Variants in SGCD observed in about 807,000 individuals in gnomAD.
SGCD encodes delta-sarcoglycan.
A neutral mutation model predicts 36.6 loss-of-function variants in SGCD; 18 were observed. The ratio of observed to expected loss-of-function variants is 0.49; its 90% CI spans 0.34 to 0.73. The LOEUF is 0.73. SGCD is among the 30% of genes least tolerant of loss of function. SGCD has a pLI of 0.01. For missense variants in SGCD, 387 were observed against 346.7 expected (o/e 1.12, Z -0.92); for synonymous variants, 133 against 130.6 (o/e 1.02, Z -0.12).
chr5:156,039,434 C>T (rs372217104), intron 1 of SGCD, among the ~76,000 whole-genome samples: 97 of 146,660 alleles, frequency 6.6e-4, no homozygotes, highest in African/African-American at 2.6e-3. Context: ...AAGGAGCAAG[C>T]TCCTTGGGAG....
At chr5:155,802,190 CTGTT>C in the SGCD span, among the ~76,000 whole-genome samples, 1 of 152,188 alleles carries the variant, frequency 6.6e-6, no homozygotes, top group East Asian at 1.9e-4. Flanking sequence ...GCTAAGAAGA[CTGTT>C]TGAAGCAGCC....
Position 156,303,427 on chromosome 5 carries a change from G to A in SGCD, c.-43-26107G>A, listed in dbSNP as rs539217609. Among the ~76,000 whole-genome samples, 34 of 152,182 alleles carry A rather than the reference G, an allele frequency of 2.2e-4. No individual in the cohort carries two copies. In the South Asian group the frequency reaches 7.0e-3, roughly 32 times the overall value. ...CCAGAAATGCCATTCAGGAGCCACA[G>A]CTTAGAATCTGGAACCCCAGGAGCC... On this transcript the variant is annotated intron_variant, in intron 3 of 9. Transcript: ENST00000517913.
chr5:155,947,362 A>G (rs1334023245), intron 1 of SGCD, among the ~76,000 whole-genome samples: 1 of 145,198 alleles, frequency 6.9e-6, no homozygotes, highest in African/African-American at 2.5e-5. Context: ...TTTTTTTATT[A>G]TTAAGATCTT....
the SGCD span, among the ~76,000 whole-genome samples, chr5:155,848,411 C>T: frequency 6.6e-6 from 1 of 152,098 alleles, no homozygotes; most frequent in African/African-American, 2.4e-5. Flanking sequence ...GGTGCCAGGG[C>T]AGAAAGCGTG....
intron 3 of SGCD, among the ~76,000 whole-genome samples, chr5:156,397,899 T>C (rs1771947745): frequency 6.6e-6 from 1 of 152,134 alleles, no homozygotes; most frequent in Non-Finnish European, 1.5e-5. Context: ...CCATCTCTCT[T>C]GCCTATTGAA....
At chr5:155,852,786 C>G in the SGCD span, among the ~76,000 whole-genome samples, 1 of 152,090 alleles carries the variant, frequency 6.6e-6, no homozygotes, top group South Asian at 2.1e-4. Flanking sequence ...GTTTGTAGGC[C>G]TTGATGTATT....
intron 1 of SGCD, among the ~76,000 whole-genome samples, chr5:155,906,937 A>G (rs1260218498): frequency 6.8e-6 from 1 of 147,760 alleles, no homozygotes; most frequent in Non-Finnish European, 1.5e-5. Flanking sequence ...AGAAGATGTA[A>G]TATAGTACTT....
rs537643579 is a variant in SGCD at position 156,360,076 on chromosome 5, C to T, written c.192+15399C>T. Reference sequence around the variant, plus strand: ...AGCCAAATGTCCAGGCAGACAGGGGCGGGTCCCCACTGAAACCCCACCTCC... The same window carrying T: ...AGCCAAATGTCCAGGCAGACAGGGGTGGGTCCCCACTGAAACCCCACCTCC... On this transcript the variant is annotated intron_variant, in intron 3 of 8. Transcript: ENST00000337851. Among the ~76,000 whole-genome samples, 19 of 152,212 alleles carry T rather than the reference C, an allele frequency of 1.2e-4. No homozygotes were observed. In the South Asian group the frequency reaches 1.4e-3, roughly 12 times the overall value.
chr5:156,437,734 A>G (rs1335278988), intron 3 of SGCD, among the ~76,000 whole-genome samples: 1 of 152,180 alleles, frequency 6.6e-6, no homozygotes, highest in African/African-American at 2.4e-5. Flanking sequence ...CTCAGCCAAC[A>G]GGGGAGATGG....
At chr5:156,072,315 G>A (rs1760600536) in intron 1 of SGCD, among the ~76,000 whole-genome samples, 1 of 151,864 alleles carries the variant, frequency 6.6e-6, no homozygotes, top group South Asian at 2.1e-4. Context: ...AGCTCTTTTA[G>A]GGCAGGTCTG....
intron 1 of SGCD, among the ~76,000 whole-genome samples, chr5:156,075,608 G>T (rs1561708761): frequency 6.6e-6 from 1 of 152,124 alleles, no homozygotes; most frequent in East Asian, 1.9e-4. Context: ...TTTTATAATG[G>T]TTAATATGAC....
At chr5:156,506,454 G>T (rs77095900) in intron 3 of SGCD, among the ~76,000 whole-genome samples, 1 of 152,060 alleles carries the variant, frequency 6.6e-6, no homozygotes, top group Non-Finnish European at 1.5e-5. Context: ...AAAGCTCCCA[G>T]TTGTGGTTTC....
rs1757464940 is a variant in SGCD at position 156,759,711 on chromosome 5, C to T, written c.*321C>T. 1 of 152,184 alleles carries T rather than the reference C, an allele frequency of 6.6e-6. No homozygotes were observed. 9.4% of individuals were successfully genotyped at this position (152,184 alleles called of 1,614,324 possible). A position where few individuals can be genotyped will look rare whatever the true frequency, so the allele number is the denominator to read the frequency against. On this transcript the variant is annotated 3_prime_UTR_variant, in exon 9 of 9. Coordinates refer to ENST00000337851, the MANE Select transcript of SGCD (RefSeq NM_000337.6). ...ACAGAAATCTAAACACACATCCGTC[C>T]CAACATTCCCCAGACCATTCAGAAT...
At chr5:156,215,937 T>G (rs376320335) in intron 3 of SGCD, among the ~76,000 whole-genome samples, 1 of 152,150 alleles carries the variant, frequency 6.6e-6, no homozygotes, top group African/African-American at 2.4e-5. Context: ...TCAAACAAAG[T>G]TCTATCAATG....
rs571343657 is a variant in SGCD at position 156,471,859 on chromosome 5, G to GA, written c.193-36736dup. On this transcript the variant is annotated intron_variant, in intron 3 of 8. Transcript: ENST00000337851. Reference sequence around the variant, plus strand: ...AATGAAAGGGCACAAAAGACTTAGAGAAAAAATATACATACACAACGAATT... The same window carrying GA: ...AATGAAAGGGCACAAAAGACTTAGAGAAAAAAATATACATACACAACGAATT... Among the ~76,000 whole-genome samples, 500 of 151,430 alleles carry GA rather than the reference G, an allele frequency of 3.3e-3. 1 individual carries two copies. The highest frequency in any genetic ancestry group is 0.011 in the African/African-American group (468 of 40,898).
chr5:155,920,434 T>C (rs918313400), intron 1 of SGCD, among the ~76,000 whole-genome samples: 3 of 152,040 alleles, frequency 2.0e-5, no homozygotes, highest in African/African-American at 7.2e-5. Context: ...GATGTTTTCT[T>C]GTGGTGTTGA....
intron 7 of SGCD, among the ~76,000 whole-genome samples, chr5:156,709,171 C>T (rs1387246857): frequency 6.6e-6 from 1 of 152,102 alleles, no homozygotes; most frequent in Non-Finnish European, 1.5e-5. Flanking sequence ...GGCAGAGTGA[C>T]GTTTTGGATG....
intron 1 of SGCD, among the ~76,000 whole-genome samples, chr5:156,116,195 CA>C (rs1761901697): frequency 6.6e-6 from 1 of 151,916 alleles, no homozygotes; most frequent in African/African-American, 2.4e-5. Flanking sequence ...TCTGGTTCTC[CA>C]AAGATGATCA....
intron 4 of SGCD, among the ~76,000 whole-genome samples, chr5:156,524,259 T>C (rs1757556571): frequency 7.7e-6 from 1 of 129,366 alleles, no homozygotes; most frequent in Admixed American, 8.3e-5. Context: ...TATATAAAAC[T>C]ATAGTTTATA....
Sources: allele counts gnomAD v4.1 joint callset (sites outside exome capture counted in the v4.1 genomes callset), GRCh38; gene constraint gnomAD v4.1.1; transcripts MANE v1.5; gene names NCBI Gene and HGNC (gene_info 2026-07-23, HGNC 2026-07-21).